The following UBE2K variants were observed in gnomAD, a reference collection of about 807,000 sequenced individuals.
The protein encoded by UBE2K is ubiquitin conjugating enzyme E2 K, also known as ubiquitin-conjugating enzyme E2 K.
Under a neutral mutation model 30.0 loss-of-function variants are expected in UBE2K, and 6 were observed. The ratio of observed to expected loss-of-function variants is 0.20; its 90% CI spans 0.11 to 0.39. UBE2K has a LOEUF of 0.39. UBE2K is among the 10% of genes least tolerant of loss of function. The probability of loss-of-function intolerance (pLI) is 1.00; values close to 1 mark genes in which losing one functional copy is unlikely to be tolerated. For missense variants in UBE2K, 61 were observed against 241.6 expected (o/e 0.25, Z 4.96); for synonymous variants, 86 against 83.7 (o/e 1.03, Z -0.15).
chr4:39,747,805 C>CT (rs770743576), intron 3 of UBE2K, among the ~76,000 whole-genome samples: 2,878 of 137,798 alleles, frequency 0.021, 50 homozygotes, highest in African/African-American at 0.047. Context: ...TTGTTGTTTT[C>CT]TTTTTTTTTT....
intron 1 of UBE2K, among the ~76,000 whole-genome samples, chr4:39,701,451 C>CT (rs1718005712): frequency 6.6e-6 from 1 of 152,080 alleles, no homozygotes; most frequent in Admixed American, 6.6e-5. Context: ...TACGTTATTG[C>CT]TAATTCTTAA....
chr4:39,707,995 C>T (rs1456257960), intron 1 of UBE2K, among the ~76,000 whole-genome samples: 1 of 151,952 alleles, frequency 6.6e-6, no homozygotes, highest in Non-Finnish European at 1.5e-5. Context: ...CTCCCGGGTT[C>T]AAGCGATTCT....
chr4:39,745,210 C>A (rs2109360163), intron 2 of UBE2K, among the ~76,000 whole-genome samples: 1 of 152,198 alleles, frequency 6.6e-6, no homozygotes. Flanking sequence ...TTTAATTGCA[C>A]AAATATTAAC....
intron 1 of UBE2K, among the ~76,000 whole-genome samples, chr4:39,719,331 G>T (rs1440767281): frequency 6.6e-6 from 1 of 152,156 alleles, no homozygotes; most frequent in Non-Finnish European, 1.5e-5. Context: ...CATGAGAGCA[G>T]TTATCTTACT....
intron 4 of UBE2K, among the ~76,000 whole-genome samples, chr4:39,759,779 T>C (rs1711769401): frequency 6.6e-6 from 1 of 152,208 alleles, no homozygotes; most frequent in African/African-American, 2.4e-5. Flanking sequence ...CGATAAGGTA[T>C]GCTCAGCATC....
At position 39,780,352 on chromosome 4, in the gene UBE2K, G is replaced by C. The variant is rs1050385888; in HGVS notation, c.*1918G>C. 6.6e-6 allele frequency: 1 copy of C among 152,044 alleles called. No individual in the cohort carries two copies. The highest frequency in any genetic ancestry group is 1.5e-5 in the Non-Finnish European group (1 of 67,966). 9.4% of individuals were successfully genotyped at this position (152,044 alleles called of 1,614,324 possible). On this transcript the variant is annotated 3_prime_UTR_variant, in exon 7 of 7. Coordinates refer to ENST00000261427, the MANE Select transcript of UBE2K (RefSeq NM_005339.5). The stretch of plus-strand genomic sequence containing the variant: ...ACTTGGTAGTATTAGTAGAATTTGG[G>C]TTTAAAAATATCAGACACATCTACC...
rs144696962 is a variant in UBE2K, at chr4:39,738,415, C to A, written c.157+902C>A. 2.0e-5 allele frequency among the ~76,000 whole-genome samples: 3 copies of A among 152,314 alleles called. No homozygotes were observed. The East Asian group carries it at 5.8e-4, about 29-fold the overall frequency. ...TAGCACAACTGATAGCCTTTGTCTT[C>A]AAAGCCTGTGCTTTTAATCACTTTA... On this transcript the variant is annotated intron_variant, in intron 2 of 6. Transcript: ENST00000261427.
intron 1 of UBE2K, among the ~76,000 whole-genome samples, chr4:39,733,135 C>CT: frequency 6.7e-6 from 1 of 149,354 alleles, no homozygotes; most frequent in Non-Finnish European, 1.5e-5. Context: ...GAAAAGCAAT[C>CT]TTTGACCTAT....
rs1713680738 is a variant in UBE2K at position 39,782,647 on chromosome 4, G to A, written c.*4213G>A. ...GTGGGCTGTGGGGTGGAAGGTTGGG[G>A]TATTTGTCTTGAGAATTAAAAACTA... is the stretch of plus-strand genomic sequence containing the variant. On this transcript the variant is annotated 3_prime_UTR_variant, in exon 7 of 7. Transcript: ENST00000261427. 1 of 152,066 alleles carries A rather than the reference G, an allele frequency of 6.6e-6. No homozygotes were observed. The highest frequency in any genetic ancestry group is 1.5e-5 in the Non-Finnish European group (1 of 68,012). The allele number at this position is 152,066 out of a possible 1,614,324, so 9.4% of individuals were successfully genotyped here.
Position 39,778,802 on chromosome 4 carries a change from C to G in UBE2K, c.*368C>G, listed in dbSNP as rs1216298360. ...GATAATATTTTGAGTGTGTCAGGGC[C>G]ATTCAAATTGTTGGTGTTGCATCAC... On this transcript the variant is annotated 3_prime_UTR_variant, in exon 7 of 7. Transcript: ENST00000261427. 6.2e-6 allele frequency: 1 copy of G among 160,142 alleles called. No homozygotes were observed. Among genetic ancestry groups the G allele is most frequent in the East Asian group, 1.8e-4 (1 of 5,550 alleles). 9.9% of individuals were successfully genotyped at this position (160,142 alleles called of 1,614,324 possible). A position where few individuals can be genotyped will look rare whatever the true frequency, so the allele number is the denominator to read the frequency against.
chr4:39,753,155 A>C (rs191914912), intron 3 of UBE2K, among the ~76,000 whole-genome samples: 1 of 152,206 alleles, frequency 6.6e-6, no homozygotes, highest in Non-Finnish European at 1.5e-5. Flanking sequence ...TTGGGAGCCT[A>C]TGTCGGGTGG....
chr4:39,702,631 C>T (rs1310218482), intron 1 of UBE2K, among the ~76,000 whole-genome samples: 2 of 152,050 alleles, frequency 1.3e-5, no homozygotes, highest in South Asian at 2.1e-4. Flanking sequence ...CTATATAGTA[C>T]ATTAAGTTTT....
intron 4 of UBE2K, chr4:39,770,841 T>G: frequency 6.5e-7 from 1 of 1,541,182 alleles, no homozygotes; most frequent in Non-Finnish European, 8.7e-7. Context: ...GTCCTCATCC[T>G]CATCCTCTTC....
chr4:39,718,291 T>C (rs1278479264), intron 1 of UBE2K, among the ~76,000 whole-genome samples: 1 of 152,196 alleles, frequency 6.6e-6, no homozygotes, highest in African/African-American at 2.4e-5. Context: ...AGAGTGTCGA[T>C]TGCTGTATTT....
At chr4:39,768,164 T>G (rs1712471047) in intron 4 of UBE2K, among the ~76,000 whole-genome samples, 1 of 151,610 alleles carries the variant, frequency 6.6e-6, no homozygotes, top group Admixed American at 6.6e-5. Flanking sequence ...GACGGGCCAT[T>G]GCGGTGTCTT....
chr4:39,717,973 C>T (rs1034691099), intron 1 of UBE2K, among the ~76,000 whole-genome samples: 5 of 151,840 alleles, frequency 3.3e-5, no homozygotes, highest in Non-Finnish European at 7.3e-5. Context: ...GTGAGTGTTA[C>T]AGCTCATAAA....
chr4:39,765,194 CT>C (rs1712238391), intron 4 of UBE2K, among the ~76,000 whole-genome samples: 1 of 150,954 alleles, frequency 6.6e-6, no homozygotes, highest in Non-Finnish European at 1.5e-5. Context: ...CTACTTAAAA[CT>C]TTTTAAGAAA....
intron 4 of UBE2K, among the ~76,000 whole-genome samples, chr4:39,760,232 T>A (rs1234937922): frequency 6.8e-6 from 1 of 147,512 alleles, no homozygotes; most frequent in Admixed American, 6.7e-5. Flanking sequence ...GTTTAACCAC[T>A]TAAAGCCAGT....
intron 4 of UBE2K, among the ~76,000 whole-genome samples, chr4:39,771,527 C>T (rs1266127505): frequency 6.6e-6 from 1 of 152,126 alleles, no homozygotes. Flanking sequence ...CGGAAGCGCC[C>T]CCCACACACG....
Sources: gnomAD v4.1 joint callset for allele counts (sites outside exome capture counted in the v4.1 genomes callset) on GRCh38, gnomAD v4.1.1 for gene constraint, MANE v1.5 for transcripts, NCBI Gene and HGNC (gene_info 2026-07-23, HGNC 2026-07-21) for gene names.